ALB: variants seen among roughly 807,000 people sequenced by gnomAD.
ALB encodes serum albumin.
A neutral mutation model predicts 74.5 loss-of-function variants in ALB; 37 were observed. That is an observed-to-expected ratio of 0.50 (90% confidence interval 0.38 to 0.65). ALB has a LOEUF of 0.65. Among genes scored for constraint, ALB ranks in the 30% least tolerant of loss-of-function variants. The pLI is 0.00. For synonymous variants in ALB, 249 were observed against 251.6 expected (o/e 0.99, Z 0.10); for missense variants, 685 against 718.7 (o/e 0.95, Z 0.54).
At chr4:73,412,944 T>C (rs1248423666) in intron 7 of ALB, among the ~76,000 whole-genome samples, 4 of 152,202 alleles carry the variant, frequency 2.6e-5, no homozygotes, top group East Asian at 1.9e-4. Context: ...ATTAAACTTA[T>C]GGGCAAATAC....
chr4:73,405,080 G>A (rs777822766), intron 1 of ALB, 36 bp from the exon 2 acceptor site: 5 of 1,582,866 alleles, frequency 3.2e-6, no homozygotes, highest in Middle Eastern at 1.7e-4. Flanking sequence ...GTTTTCTTCA[G>A]TATTTAACAA....
At chr4:73,405,932 T>C (rs1260270183) in intron 2 of ALB, among the ~76,000 whole-genome samples, 1 of 152,098 alleles carries the variant, frequency 6.6e-6, no homozygotes, top group Admixed American at 6.5e-5. Context: ...AAAATTGTTT[T>C]TTTAAAAGTC....
intron 14 of ALB, among the ~76,000 whole-genome samples, chr4:73,420,595 T>G (rs936626673): frequency 1.7e-4 from 26 of 152,156 alleles, no homozygotes; most frequent in Non-Finnish European, 3.8e-4. Flanking sequence ...AACCAAAGTT[T>G]CAGTGTTGCC....
rs1718737557 is a variant in ALB at position 73,406,680 on chromosome 4, T to C, written c.189T>C (p.His63=). Reference sequence around the variant, plus strand: ...TTCAGCAGTGTCCATTTGAAGATCATGTAAAATTAGTGAATGAAGTAACTG... The same window carrying C: ...TTCAGCAGTGTCCATTTGAAGATCACGTAAAATTAGTGAATGAAGTAACTG... ...QYLQQCPFED[H]VKLVNEVTEF... Residue 63 remains histidine, a synonymous_variant, in exon 3 of 15, where the codon CAT becomes CAC. Coordinates refer to ENST00000295897, the MANE Select transcript of ALB (RefSeq NM_000477.7). 16 of 1,613,922 alleles carry C rather than the reference T, an allele frequency of 9.9e-6. No homozygotes were observed. The highest frequency in any genetic ancestry group is 1.4e-5 in the Non-Finnish European group (16 of 1,179,940).
chr4:73,414,929 A>T, intron 8 of ALB, 106 bp from the exon 9 acceptor site: 1 of 1,400,218 alleles, frequency 7.1e-7, no homozygotes, highest in Non-Finnish European at 1.0e-6. Flanking sequence ...CATGGGGTTT[A>T]GTCAAATTAA....
At chr4:73,409,223 G>C in intron 4 of ALB, 132 bp from the exon 5 acceptor site, 1 of 946,714 alleles carries the variant, frequency 1.1e-6, no homozygotes, top group Admixed American at 2.2e-5. Flanking sequence ...AGACCATCAT[G>C]TGCAAATTGA....
intron 8 of ALB, 76 bp downstream of exon 8, chr4:73,413,710 G>A (rs1345217244): frequency 1.4e-6 from 2 of 1,402,646 alleles, no homozygotes; most frequent in East Asian, 4.7e-5. Context: ...AGGCTTTTCT[G>A]TGGAGTTGCT....
rs2149329602 is a variant in ALB at position 73,418,227 on chromosome 4, C to T, written c.1568C>T (p.Pro523Leu). 6.2e-7 allele frequency: 1 copy of T among 1,614,064 alleles called. No homozygotes were observed. Among genetic ancestry groups the T allele is most frequent in the Non-Finnish European group, 8.5e-7 (1 of 1,180,000 alleles). ...CTGGAAGTCGATGAAACATACGTTC[C>T]CAAAGAGTTTAATGCTGAAACATTC... ...SALEVDETYV[P>L]KEFNAETFTF... Residue 523 changes from proline (P) to leucine (L), a missense_variant, in exon 12 of 15, where the codon CCC becomes CTC. By Grantham distance (98) the Pro-to-Leu change is moderately conservative (BLOSUM62 -3). Transcript: ENST00000295897.
chr4:73,408,779 T>C lies in ALB; in HGVS notation c.456T>C (p.His152=), dbSNP rs910444649. 3 of 1,613,826 alleles carry C rather than the reference T, an allele frequency of 1.9e-6. No homozygotes were observed. The highest frequency in any genetic ancestry group is 2.5e-6 in the Non-Finnish European group (3 of 1,179,766). ...PEVDVMCTAF[H]DNEETFLKKY... ...TTGATGTGATGTGCACTGCTTTTCA[T>C]GACAATGAAGAGACATTTTTGAAAA... Residue 152 remains histidine (H), a synonymous_variant, in exon 4 of 15, where the codon CAT becomes CAC. Coordinates refer to ENST00000295897, the MANE Select transcript of ALB (RefSeq NM_000477.7).
chr4:73,417,484 T>A (rs766982419), intron 10 of ALB, 47 bp from the exon 11 acceptor site: 4 of 1,609,940 alleles, frequency 2.5e-6, no homozygotes, highest in Non-Finnish European at 3.4e-6. Context: ...TCTACTATGT[T>A]AGACAGTTTC....
At position 73,418,317 on chromosome 4, in the gene ALB, G is replaced by T. The variant is rs765228109; in HGVS notation, c.1652+6G>T. 3.7e-6 allele frequency: 6 copies of T among 1,609,032 alleles called. No individual in the cohort carries two copies. The highest frequency in any genetic ancestry group is 5.1e-6 in the Non-Finnish European group (6 of 1,176,550). On this transcript the variant is annotated splice_donor_region_variant and intron_variant, in intron 12 of 14. Transcript: ENST00000295897. ...AGACAAATCAAGAAACAAACGTGAG[G>T]AGTATTTCATTACTGCATGTGTTTG...
intron 13 of ALB, 137 bp from the exon 14 acceptor site, chr4:73,420,117 A>G: frequency 1.3e-6 from 1 of 791,270 alleles, no homozygotes; most frequent in Non-Finnish European, 2.1e-6. Flanking sequence ...TCCAGAGATT[A>G]TAGTAGTAAA....
intron 7 of ALB, 123 bp from the exon 8 acceptor site, chr4:73,413,297 T>C (rs1577938737): frequency 4.4e-6 from 4 of 907,002 alleles, no homozygotes; most frequent in African/African-American, 1.6e-5. Context: ...AGTATGTTCA[T>C]AGAAGGAATA....
chr4:73,404,443 C>T lies in ALB; in HGVS notation c.79+37C>T. 4 of 1,527,210 alleles carry T rather than the reference C, an allele frequency of 2.6e-6. No individual in the cohort carries two copies. In the South Asian group the frequency reaches 3.4e-5, roughly 13 times the overall value. The allele number at this position is 1,527,210 out of a possible 1,614,324, so 94.6% of individuals were successfully genotyped here. ...ATTTTTCTATTGTTCAACTTTTATT[C>T]TATTTTCCCAGTAAAATAAAGTTTT... On this transcript the variant is annotated intron_variant, in intron 1 of 14. Transcript: ENST00000295897.
intron 2 of ALB, among the ~76,000 whole-genome samples, chr4:73,405,613 CAG>C (rs1718700532): frequency 1.3e-5 from 2 of 150,530 alleles, no homozygotes; most frequent in Admixed American, 1.3e-4. Flanking sequence ...TTTTTTAAGA[CAG>C]GGTCTCGCTC....
Position 73,415,066 on chromosome 4 carries a change from G to C in ALB, c.1090G>C (p.Asp364His). 6.2e-7 allele frequency: 1 copy of C among 1,614,130 alleles called. No homozygotes were observed. The highest frequency in any genetic ancestry group is 1.1e-5 in the South Asian group (1 of 91,086). Reference protein sequence around the residue: ...FLYEYARRHPDYSVVLLLRLA... With the variant: ...FLYEYARRHPHYSVVLLLRLA... ...GTATGAATATGCAAGAAGGCATCCT[G>C]ATTACTCTGTCGTGCTGCTGCTGAG... Residue 364 changes from aspartate (D) to histidine (H), a missense_variant, in exon 9 of 15, where the codon GAT becomes CAT. Coordinates refer to ENST00000295897, the MANE Select transcript of ALB (RefSeq NM_000477.7).
rs1041035428 is a variant in ALB, at chr4:73,406,781, G to A, written c.270+20G>A. ...TCACTTGTAAGTACATTCTAATTGT[G>A]GAGATTCTTTCTTCTGTTTGAAGTA... is the stretch of plus-strand genomic sequence containing the variant. On this transcript the variant is annotated intron_variant, in intron 3 of 14. Transcript: ENST00000295897. 1.2e-6 allele frequency: 2 copies of A among 1,613,084 alleles called. No individual in the cohort carries two copies. Among genetic ancestry groups the A allele is most frequent in the Non-Finnish European group, 1.7e-6 (2 of 1,179,748 alleles).
chr4:73,408,600 C>A lies in ALB; in HGVS notation c.277C>A (p.Leu93Ile). The part of the protein sequence containing the change: ...AENCDKSLHT[L>I]FGDKLCTVAT... The stretch of plus-strand genomic sequence containing the variant: ...CCTGCTTTCTTCCATTTAGCATACC[C>A]TTTTTGGAGACAAATTATGCACAGT... Residue 93 changes from leucine (L) to isoleucine (I), a missense_variant, in exon 4 of 15, where the codon CTT (leucine) becomes ATT (isoleucine). Coordinates refer to ENST00000295897, the MANE Select transcript of ALB (RefSeq NM_000477.7). 1 of 1,613,850 alleles carries A rather than the reference C, an allele frequency of 6.2e-7. No individual in the cohort carries two copies.
In ALB at chr4:73,415,932, C is replaced by T. The variant is rs11937538; in HGVS notation, c.1192-324C>T. Among the ~76,000 whole-genome samples the T allele has an allele frequency of 2.4e-3, 359 of 152,246 alleles. 2 individuals are homozygous for T. The highest frequency in any genetic ancestry group is 8.4e-3 in the African/African-American group (347 of 41,552). ...ACAGAGCAGCTCTATGAGATGAGTG[C>T]CATCTTTGCCCCTATTTTAGGGATA... On this transcript the variant is annotated intron_variant, in intron 9 of 14. Transcript: ENST00000295897.
Sources: gnomAD v4.1 joint callset for allele counts (sites outside exome capture counted in the v4.1 genomes callset) on GRCh38, gnomAD v4.1.1 for gene constraint, MANE v1.5 for transcripts, NCBI Gene and HGNC (gene_info 2026-07-23, HGNC 2026-07-21) for gene names.